The following GBE1 variants were observed in gnomAD, a reference collection of about 807,000 sequenced individuals.
The protein encoded by GBE1 is 1,4-alpha-glucan-branching enzyme.
GBE1 carries 70 observed loss-of-function variants against 88.8 expected under a neutral mutation model. That is an observed-to-expected ratio of 0.79 (90% CI 0.65 to 0.96). GBE1 has a LOEUF of 0.96. GBE1 is among the 40% of genes least tolerant of loss of function. GBE1 has a pLI of 0.00. For synonymous variants in GBE1, 284 were observed against 300.1 expected, an observed-to-expected ratio of 0.95 and a Z score of 0.56; for missense variants, 872 against 871.0, an observed-to-expected ratio of 1.00 and a Z score of -0.01.
At chr3:81,562,764 GTCTC>G (rs988874094) in intron 12 of GBE1, among the ~76,000 whole-genome samples, 1 of 151,812 alleles carries the variant, frequency 6.6e-6, no homozygotes, top group African/African-American at 2.4e-5. Flanking sequence ...AGAAACCTAT[GTCTC>G]TCTTAGTGAG....
At chr3:81,626,754 AATCTCT>A (rs1410844425) in intron 7 of GBE1, among the ~76,000 whole-genome samples, 2 of 149,756 alleles carry the variant, frequency 1.3e-5, no homozygotes, top group Admixed American at 6.6e-5. Flanking sequence ...AAAAAAAAAA[AATCTCT>A]TCTATGTGCA....
intron 3 of GBE1, among the ~76,000 whole-genome samples, chr3:81,664,602 T>A (rs1485421457): frequency 6.6e-6 from 1 of 152,150 alleles, no homozygotes; most frequent in Non-Finnish European, 1.5e-5. Flanking sequence ...TAATAACTCA[T>A]TATTAATTTT....
At chr3:81,722,534 T>G (rs1182650117) in intron 1 of GBE1, among the ~76,000 whole-genome samples, 1 of 151,856 alleles carries the variant, frequency 6.6e-6, no homozygotes, top group East Asian at 1.9e-4. Flanking sequence ...TATTTAAAAA[T>G]AATTTAAAAG....
intron 3 of GBE1, among the ~76,000 whole-genome samples, chr3:81,650,739 A>T (rs1436160984): frequency 6.6e-6 from 1 of 152,186 alleles, no homozygotes; most frequent in Non-Finnish European, 1.5e-5. Flanking sequence ...ATCGCAGCTC[A>T]CTGCAGCCTC....
At chr3:81,558,163 T>G (rs1703372711) in intron 12 of GBE1, among the ~76,000 whole-genome samples, 1 of 152,044 alleles carries the variant, frequency 6.6e-6, no homozygotes, top group Non-Finnish European at 1.5e-5. Flanking sequence ...GTATGTATTT[T>G]AAGTCAATGT....
rs1340229013 is a variant in GBE1 at position 81,537,058 on chromosome 3, T to G, written c.1656A>C (p.Pro552=). The G allele has an allele frequency of 1.3e-6, 2 of 1,565,036 alleles. No homozygotes were observed. Among genetic ancestry groups the G allele is most frequent in the Non-Finnish European group, 1.7e-6 (2 of 1,160,012 alleles). The change falls in exon 13 of 16, where the codon CCA becomes CCC. Residue 552 remains proline, a synonymous_variant. Transcript: ENST00000429644. ...GGTAACTCTCATTATTTCCTTTTCT[T>G]GGGAAGTCTAACCATTCAGGATGCC... ...EFGHPEWLDF[P]RKGNNESYHY...
rs372179508 is a variant in GBE1, at chr3:81,544,524, T to C, written c.1619-7429A>G. Among the ~76,000 whole-genome samples, 12 of 152,278 alleles carry C rather than the reference T, an allele frequency of 7.9e-5. No homozygotes were observed. The East Asian group carries it at 2.1e-3, about 27-fold the overall frequency. ...ATGGTATGATTCATTGCATTCAATA[T>C]AGTAACAGAACTGGGTGCTTCTAGA... On this transcript the variant is annotated intron_variant, in intron 12 of 15. Coordinates refer to ENST00000429644, the MANE Select transcript of GBE1 (RefSeq NM_000158.4).
chr3:81,562,356 T>C (rs987930071), intron 12 of GBE1, among the ~76,000 whole-genome samples: 3 of 152,092 alleles, frequency 2.0e-5, no homozygotes, highest in Non-Finnish European at 4.4e-5. Context: ...TGAATGACTG[T>C]AGTTAGAGCT....
At position 81,648,940 on chromosome 3, in the gene GBE1, G is replaced by A. The variant is rs999992323; in HGVS notation, c.607C>T (p.His203Tyr). Residue 203 changes from histidine (H) to tyrosine (Y), a missense_variant, in exon 5 of 16, where the codon CAT (histidine) becomes TAT (tyrosine). Coordinates refer to ENST00000429644, the MANE Select transcript of GBE1 (RefSeq NM_000158.4). ...CCTTCATGGGAAGAAATTCCCACAT[G>A]AGATTCATAAATTCTTAGACTCCGT... ...KPRSLRIYES[H>Y]VGISSHEGKV... is the part of the protein sequence containing the mutation. The A allele has an allele frequency of 1.3e-6, 2 of 1,580,148 alleles. No homozygotes were observed. The highest frequency in any genetic ancestry group is 2.7e-5 in the African/African-American group (2 of 73,672).
intron 1 of GBE1, among the ~76,000 whole-genome samples, chr3:81,755,524 T>C (rs1324984852): frequency 2.0e-5 from 3 of 152,208 alleles, no homozygotes; most frequent in African/African-American, 7.2e-5. Context: ...TGCACTCCCA[T>C]GTTTATTGCA....
intron 12 of GBE1, among the ~76,000 whole-genome samples, chr3:81,538,343 A>C (rs1703101810): frequency 6.6e-6 from 1 of 151,958 alleles, no homozygotes; most frequent in Non-Finnish European, 1.5e-5. Flanking sequence ...CTTACATTTA[A>C]CTTTTCAGGA....
intron 12 of GBE1, among the ~76,000 whole-genome samples, chr3:81,573,771 C>CTGTGTGTG (rs754379178): frequency 2.2e-5 from 2 of 88,908 alleles, no homozygotes; most frequent in African/African-American, 1.2e-4. Context: ...CTCTCTCTCT[C>CTGTGTGTG]TCTCTGTGTG....
At chr3:81,530,336 T>C (rs2106862236) in intron 14 of GBE1, among the ~76,000 whole-genome samples, 1 of 152,074 alleles carries the variant, frequency 6.6e-6, no homozygotes, top group South Asian at 2.1e-4. Flanking sequence ...ACTGGTGATT[T>C]ATTTAGTTTG....
intron 14 of GBE1, among the ~76,000 whole-genome samples, chr3:81,500,810 A>G (rs573222549): frequency 6.6e-6 from 1 of 152,198 alleles, no homozygotes; most frequent in South Asian, 2.1e-4. Flanking sequence ...AAGAACGTAC[A>G]TGTTTTTACT....
chr3:81,528,194 ACATCACAC>A (rs1439068085), intron 14 of GBE1, among the ~76,000 whole-genome samples: 2 of 134,588 alleles, frequency 1.5e-5, no homozygotes, highest in African/African-American at 5.4e-5. Context: ...AGGAAGGGGA[ACATCACAC>A]AGTGGGGCCT....
At chr3:81,580,423 A>G (rs2106937168) in intron 11 of GBE1, among the ~76,000 whole-genome samples, 1 of 152,276 alleles carries the variant, frequency 6.6e-6, no homozygotes, top group Admixed American at 6.5e-5. Flanking sequence ...AATGTGTCAG[A>G]GCCAGACAAT....
intron 7 of GBE1, chr3:81,642,552 C>A: frequency 3.1e-5 from 12 of 384,388 alleles, no homozygotes; most frequent in South Asian, 1.8e-4. Context: ...ATTATATAAC[C>A]AATATATTTT....
At chr3:81,626,765 T>C (rs1007520943) in intron 7 of GBE1, among the ~76,000 whole-genome samples, 9 of 151,552 alleles carry the variant, frequency 5.9e-5, no homozygotes, top group Non-Finnish European at 1.2e-4. Flanking sequence ...ATCTCTTCTA[T>C]GTGCATTTGA....
intron 12 of GBE1, among the ~76,000 whole-genome samples, chr3:81,538,860 T>C (rs894922661): frequency 5.9e-5 from 9 of 151,996 alleles, no homozygotes; most frequent in African/African-American, 2.2e-4. Flanking sequence ...AGGCTTCCCA[T>C]AGGCAAAATA....
Sources: gnomAD v4.1 joint callset for allele counts (sites outside exome capture counted in the v4.1 genomes callset) on GRCh38, gnomAD v4.1.1 for gene constraint, MANE v1.5 for transcripts, NCBI Gene and HGNC (gene_info 2026-07-23, HGNC 2026-07-21) for gene names.